RALGDS: variants seen among roughly 807,000 people sequenced by gnomAD.
RALGDS encodes the protein ral guanine nucleotide dissociation stimulator.
Under a neutral mutation model 99.8 loss-of-function variants are expected in RALGDS, and 44 were observed. That is an observed-to-expected ratio of 0.44 (90% CI 0.35 to 0.57). RALGDS has a LOEUF of 0.57. Among genes scored for constraint, RALGDS ranks in the 20% least tolerant of loss-of-function variants. RALGDS has a pLI of 0.01. For missense variants in RALGDS, 1,022 were observed against 1,203.1 expected, an observed-to-expected ratio of 0.85 and a Z score of 2.23; for synonymous variants, 529 against 505.0, an observed-to-expected ratio of 1.05 and a Z score of -0.64.
At chr9:133,127,644 G>A (rs561151789) in intron 1 of RALGDS, among the ~76,000 whole-genome samples, 7 of 152,332 alleles carry the variant, frequency 4.6e-5, no homozygotes, top group South Asian at 4.1e-4. Context: ...GGGAACTCCC[G>A]GCACAGCGGG....
chr9:133,143,650 G>A (rs1832562145), intron 1 of RALGDS, among the ~76,000 whole-genome samples: 1 of 151,572 alleles, frequency 6.6e-6, no homozygotes, highest in African/African-American at 2.4e-5. Context: ...CAGCTACTCT[G>A]GAGGTCTGAG....
chr9:133,142,736 G>C (rs957812142), intron 1 of RALGDS, among the ~76,000 whole-genome samples: 3 of 152,198 alleles, frequency 2.0e-5, no homozygotes, highest in African/African-American at 7.2e-5. Flanking sequence ...TTAGAGCAGG[G>C]AGACGATGAA....
intron 14 of RALGDS, 50 bp downstream of exon 14, chr9:133,102,426 C>T (rs779215603): frequency 6.4e-7 from 1 of 1,566,900 alleles, no homozygotes. Context: ...AGCCCTGAAG[C>T]TTCTGAGCCC....
chr9:133,102,357 C>T, intron 14 of RALGDS, 119 bp downstream of exon 14: 2 of 1,221,408 alleles, frequency 1.6e-6, no homozygotes, highest in Admixed American at 1.9e-5. Context: ...GTCTCAGGGC[C>T]AGTCAGCAGC....
intron 1 of RALGDS, among the ~76,000 whole-genome samples, chr9:133,129,617 C>T (rs1365795416): frequency 1.3e-5 from 2 of 152,150 alleles, no homozygotes; most frequent in Non-Finnish European, 2.9e-5. Context: ...CCACACAGAG[C>T]CAGAAAGGTG....
At chr9:133,112,213 G>C (rs1831383257) in intron 1 of RALGDS, 61 bp from the exon 2 acceptor site, 3 of 1,098,186 alleles carry the variant, frequency 2.7e-6, no homozygotes, top group Admixed American at 4.0e-5. Context: ...TGGCCACCGT[G>C]CAGGGGATGC....
intron 2 of RALGDS, 23 bp from the exon 3 acceptor site, chr9:133,110,512 C>T (rs922178221): frequency 8.2e-6 from 13 of 1,586,872 alleles, no homozygotes; most frequent in African/African-American, 8.1e-5. Context: ...AGAGGAGGGA[C>T]AGACAGTCAG....
upstream of RALGDS, among the ~76,000 whole-genome samples, chr9:133,134,903 A>C (rs1193005716): frequency 1.3e-5 from 2 of 152,186 alleles, no homozygotes; most frequent in Admixed American, 1.3e-4. Flanking sequence ...CCAAAGCCAC[A>C]CAGCAGAGCA....
chr9:133,128,174 C>T (rs1832222175), intron 1 of RALGDS, among the ~76,000 whole-genome samples: 1 of 150,978 alleles, frequency 6.6e-6, no homozygotes, highest in Non-Finnish European at 1.5e-5. Flanking sequence ...ACCAATTCAA[C>T]ATGTGACAGG....
At position 133,101,510 on chromosome 9, in the gene RALGDS, G is replaced by A. The variant is rs567183219; in HGVS notation, c.2454+10C>T. 1.8e-5 allele frequency: 29 copies of A among 1,611,126 alleles called. 1 individual carries two copies. Among genetic ancestry groups the A allele is most frequent in the Middle Eastern group, 1.6e-4 (1 of 6,062 alleles). On this transcript the variant is annotated intron_variant, in intron 16 of 17. Coordinates refer to ENST00000372050, the MANE Select transcript of RALGDS (RefSeq NM_006266.4). The stretch of plus-strand genomic sequence containing the variant: ...GGAGGGAGGCACCCAGGCCACCCCC[G>A]CCGGCTTACCAGGATGCTCTTGTAC...
At chr9:133,147,070 T>A (rs1380814683) in intron 1 of RALGDS, among the ~76,000 whole-genome samples, 4 of 152,136 alleles carry the variant, frequency 2.6e-5, no homozygotes, top group African/African-American at 9.7e-5. Flanking sequence ...GGTAGTGTTG[T>A]CACATAGCTG....
At position 133,121,068 on chromosome 9, in the gene RALGDS, C is replaced by A; in HGVS notation, c.87G>T (p.Val29=). ...LFPGSRRSRS[V]WDAVRLEVGV... is the part of the protein sequence containing the mutation. ...CCACCTCCAGGCGCACGGCGTCCCA[C>A]ACGCTGCGGCTCCGCCGGGAGCCCG... Residue 29 remains valine (V), a synonymous_variant, in exon 1 of 18, where the codon GTG becomes GTT. Transcript: ENST00000372050. 13 of 1,486,426 alleles carry A rather than the reference C, an allele frequency of 8.7e-6. No homozygotes were observed. Among genetic ancestry groups the A allele is most frequent in the Non-Finnish European group, 1.2e-5 (13 of 1,124,630 alleles). The allele number at this position is 1,486,426 out of a possible 1,614,324, so 92.1% of individuals were successfully genotyped here. A position where few individuals can be genotyped will look rare whatever the true frequency, so the allele number is the denominator to read the frequency against.
In RALGDS at chr9:133,143,050, C is replaced by A. The variant is rs561290581; in HGVS notation, c.18+5913G>T. ...TATCTTGCAGAGTGCTGAGCAGATA[C>A]AAGGGACACTTTAGCACAAGGCCTA... On this transcript the variant is annotated intron_variant, in intron 1 of 17. Coordinates refer to the RALGDS transcript ENST00000393160. Among the ~76,000 whole-genome samples, 8 of 152,342 alleles carry A rather than the reference C, an allele frequency of 5.3e-5. No homozygotes were observed. In the East Asian group the frequency reaches 1.5e-3, roughly 29 times the overall value.
In RALGDS at chr9:133,111,975, T is replaced by C. The variant is rs1271928178; in HGVS notation, c.294+67A>G. The C allele has an allele frequency of 1.5e-5, 18 of 1,234,932 alleles. No individual in the cohort carries two copies. The East Asian group carries it at 4.6e-4, about 31-fold the overall frequency. 76.5% of individuals were successfully genotyped at this position (1,234,932 alleles called of 1,614,324 possible). A position where few individuals can be genotyped will look rare whatever the true frequency, so the allele number is the denominator to read the frequency against. On this transcript the variant is annotated intron_variant, in intron 2 of 17. Coordinates refer to ENST00000372050, the MANE Select transcript of RALGDS (RefSeq NM_006266.4). ...CCTTTGGGATCAGAACTGGGGGCCC[T>C]CAAGTGAAAAAGTCCTGGGAGGGAT...
intron 1 of RALGDS, chr9:133,148,830 T>C: frequency 9.1e-7 from 1 of 1,096,932 alleles, no homozygotes; most frequent in Non-Finnish European, 1.3e-6. Flanking sequence ...CCGGGCGGGG[T>C]TGGACGCGGA....
At chr9:133,139,408 G>A (rs1832482622) in intron 1 of RALGDS, among the ~76,000 whole-genome samples, 1 of 152,200 alleles carries the variant, frequency 6.6e-6, no homozygotes, top group Non-Finnish European at 1.5e-5. Context: ...GGGGCAGGGG[G>A]ACCAGGCAGG....
At chr9:133,129,392 CTAGTG>C in intron 1 of RALGDS, 1 of 1,454,074 alleles carries the variant, frequency 6.9e-7, no homozygotes. Context: ...CCTGCGTGCC[CTAGTG>C]GAGTGGAGCA....
Position 133,149,091 on chromosome 9 carries a change from G to A in RALGDS, c.-111C>T, listed in dbSNP as rs1453724098. 5.3e-6 allele frequency: 4 copies of A among 748,732 alleles called. No individual in the cohort carries two copies. The Admixed American group carries it at 1.6e-4, about 29-fold the overall frequency. 46.4% of individuals were successfully genotyped at this position (748,732 alleles called of 1,614,324 possible). A position where few individuals can be genotyped will look rare whatever the true frequency, so the allele number is the denominator to read the frequency against. ...GGGTGCGCCCGGCTGCGGGGCTCAT[G>A]GCGCGGCCTCCGGTCCCCGCCGGGC... On this transcript the variant is annotated 5_prime_UTR_variant, in exon 1 of 18. Transcript: ENST00000393160.
At chr9:133,109,256 G>A (rs1831222724) in intron 4 of RALGDS, among the ~76,000 whole-genome samples, 1 of 152,194 alleles carries the variant, frequency 6.6e-6, no homozygotes, top group African/African-American at 2.4e-5. Flanking sequence ...AGGGTGGGGT[G>A]CAGCCTGCCC....
Sources: gnomAD v4.1 joint callset for allele counts (sites outside exome capture counted in the v4.1 genomes callset) on GRCh38, gnomAD v4.1.1 for gene constraint, MANE v1.5 for transcripts, NCBI Gene and HGNC (gene_info 2026-07-23, HGNC 2026-07-21) for gene names.